UBE2J1: variants seen among roughly 807,000 people sequenced by gnomAD.
UBE2J1 encodes ubiquitin conjugating enzyme E2 J1.
Under a neutral mutation model 42.1 loss-of-function variants are expected in UBE2J1, and 17 were observed. That is an observed-to-expected ratio of 0.40 (90% confidence interval 0.28 to 0.61). The LOEUF is 0.61. Among genes scored for constraint, UBE2J1 ranks in the 20% least tolerant of loss-of-function variants. The pLI is 0.38. For missense variants in UBE2J1, 291 were observed against 389.4 expected, an observed-to-expected ratio of 0.75 and a Z score of 2.13; for synonymous variants, 127 against 137.2, an observed-to-expected ratio of 0.93 and a Z score of 0.52.
Position 89,338,233 on chromosome 6 carries a change from G to C in UBE2J1, c.400C>G (p.Pro134Ala). 1 of 1,613,424 alleles carries C rather than the reference G, an allele frequency of 6.2e-7. No homozygotes were observed. Among genetic ancestry groups the C allele is most frequent in the South Asian group, 1.1e-5 (1 of 91,002 alleles). ...TTGGCAAGTGCTCTTCTTTCCTCAG[G>C]AGTGTAATCTAGAGAACCTATGGCT... ...EGAIGSLDYTPEERRALAKKS... is the reference protein window; with the variant it reads ...EGAIGSLDYTAEERRALAKKS... The change falls in exon 5 of 8, where the codon CCT becomes GCT. Residue 134 changes from proline (P) to alanine (A), a missense_variant. Around this residue, in one of 2 missense-constraint regions of UBE2J1, gnomAD observed 115 missense variants for 193.1 expected, o/e 0.60. Transcript: ENST00000435041.
At chr6:89,344,500 C>T (rs1037398885) in intron 1 of UBE2J1, among the ~76,000 whole-genome samples, 4 of 152,118 alleles carry the variant, frequency 2.6e-5, no homozygotes, top group African/African-American at 9.7e-5. Context: ...CTTAGGAGTC[C>T]CTCTTGTACA....
rs1767941639 is a variant in UBE2J1 at position 89,328,202 on chromosome 6, C to T, written c.*1477G>A. ...AGATGAAAACAGAAATTGTGTCTGA[C>T]AGTTAATAGAACGAATGTCCCATAA... On this transcript the variant is annotated 3_prime_UTR_variant, in exon 8 of 8. Coordinates refer to ENST00000435041, the MANE Select transcript of UBE2J1 (RefSeq NM_016021.3). 1 of 152,158 alleles carries T rather than the reference C, an allele frequency of 6.6e-6. No homozygotes were observed. Among genetic ancestry groups the T allele is most frequent in the Non-Finnish European group, 1.5e-5 (1 of 68,028 alleles). The allele number at this position is 152,158 out of a possible 1,614,324, so 9.4% of individuals were successfully genotyped here.
At chr6:89,352,076 G>A (rs1462040497) in intron 1 of UBE2J1, among the ~76,000 whole-genome samples, 1 of 152,116 alleles carries the variant, frequency 6.6e-6, no homozygotes, top group Non-Finnish European at 1.5e-5. Context: ...AATTGTATTC[G>A]CCCAAGTGCT....
intron 3 of UBE2J1, among the ~76,000 whole-genome samples, chr6:89,340,774 G>GA (rs1554201176): frequency 7.9e-6 from 1 of 126,460 alleles, no homozygotes; most frequent in Non-Finnish European, 1.7e-5. Context: ...ATTTATTTAT[G>GA]TTTTTTTTTT....
intron 3 of UBE2J1, among the ~76,000 whole-genome samples, chr6:89,341,067 G>A (rs1768239057): frequency 6.6e-6 from 1 of 152,166 alleles, no homozygotes; most frequent in African/African-American, 2.4e-5. Context: ...GAGCCACCGC[G>A]CCCGGCCTAA....
At chr6:89,333,530 G>A (rs1232981540) in intron 6 of UBE2J1, among the ~76,000 whole-genome samples, 2 of 152,200 alleles carry the variant, frequency 1.3e-5, no homozygotes, top group Non-Finnish European at 2.9e-5. Flanking sequence ...GATATGAGCT[G>A]ATGTGAACCT....
chr6:89,338,705 A>G (rs377671491), intron 3 of UBE2J1, among the ~76,000 whole-genome samples, 162 bp from the exon 4 acceptor site: 1,777 of 116,956 alleles, frequency 0.015, 30 homozygotes, highest in African/African-American at 0.053. Flanking sequence ...TCGCTCTGTC[A>G]CCCAGGCTGG....
rs771117213 is a variant in UBE2J1, at chr6:89,345,603, AAAAC to A, written c.32-1851_32-1848del. 3.5e-3 allele frequency among the ~76,000 whole-genome samples: 522 copies of A among 147,392 alleles called. 3 individuals carry two copies. Among genetic ancestry groups the A allele is most frequent in the African/African-American group, 0.011 (446 of 39,594 alleles). On this transcript the variant is annotated intron_variant, in intron 1 of 7. Transcript: ENST00000435041. ...GGCTTCAGAGAGAGACTATCTCAATAAAACAAACAAACAAACAAACAAAACCAGG... is the reference window on the plus strand; with the variant it reads ...GGCTTCAGAGAGAGACTATCTCAATAAAACAAACAAACAAACAAAACCAGG...
intron 5 of UBE2J1, 70 bp downstream of exon 5, chr6:89,338,135 G>T (rs1346453131): frequency 9.7e-7 from 1 of 1,035,154 alleles, no homozygotes. Flanking sequence ...TAAGAGGTAG[G>T]CCCTACCTCC....
chr6:89,346,899 T>C (rs1359771049), intron 1 of UBE2J1, among the ~76,000 whole-genome samples: 2 of 152,198 alleles, frequency 1.3e-5, no homozygotes, highest in Non-Finnish European at 2.9e-5. Flanking sequence ...GTAATGACAG[T>C]GTAGCTGTAG....
chr6:89,338,173 A>G, intron 5 of UBE2J1, 32 bp downstream of exon 5: 1 of 1,518,332 alleles, frequency 6.6e-7, no homozygotes, highest in Non-Finnish European at 9.1e-7. Flanking sequence ...AATACTATTC[A>G]GACCTCAAGA....
At position 89,327,326 on chromosome 6, in the gene UBE2J1, C is replaced by T. The variant is rs1767928979; in HGVS notation, c.*2353G>A. 6.6e-6 allele frequency: 1 copy of T among 152,192 alleles called. No individual in the cohort carries two copies. The highest frequency in any genetic ancestry group is 1.5e-5 in the Non-Finnish European group (1 of 67,984). The allele number at this position is 152,192 out of a possible 1,614,324, so 9.4% of individuals were successfully genotyped here. A position where few individuals can be genotyped will look rare whatever the true frequency, so the allele number is the denominator to read the frequency against. On this transcript the variant is annotated 3_prime_UTR_variant, in exon 8 of 8. Transcript: ENST00000435041. ...CTCAGCCTTTACTTGCCAGAATATA[C>T]ATCCAGTTTTAGCTGTATGCTGGAA...
chr6:89,349,795 G>T, intron 1 of UBE2J1, among the ~76,000 whole-genome samples: 1 of 152,148 alleles, frequency 6.6e-6, no homozygotes, highest in East Asian at 1.9e-4. Flanking sequence ...ACTTCTGGTG[G>T]AGGCAGTGGG....
At chr6:89,333,058 C>T in intron 7 of UBE2J1, 28 bp downstream of exon 7, 2 of 1,568,380 alleles carry the variant, frequency 1.3e-6, no homozygotes, top group Non-Finnish European at 1.7e-6. Context: ...TAGAGACATA[C>T]ATATATATTA....
intron 1 of UBE2J1, among the ~76,000 whole-genome samples, chr6:89,345,145 CAGT>C (rs1768334475): frequency 6.6e-6 from 1 of 152,072 alleles, no homozygotes; most frequent in East Asian, 1.9e-4. Context: ...AAAGAAATAA[CAGT>C]AGAAACTCCC....
At chr6:89,351,069 CTTTTTTTTTT>C (rs1193022037) in intron 1 of UBE2J1, among the ~76,000 whole-genome samples, 5 of 60,462 alleles carry the variant, frequency 8.3e-5, no homozygotes, top group Non-Finnish European at 1.2e-4. Context: ...CCGGGATTCT[CTTTTTTTTTT>C]TTTTTTTTTT....
intron 3 of UBE2J1, among the ~76,000 whole-genome samples, chr6:89,339,228 C>T (rs1216021714): frequency 4.7e-5 from 7 of 150,262 alleles, no homozygotes; most frequent in Admixed American, 4.7e-4. Flanking sequence ...AGTTCAAGGC[C>T]AGCTTGAGCA....
At chr6:89,330,028 A>G in intron 7 of UBE2J1, 71 bp from the exon 8 acceptor site, 1 of 1,445,762 alleles carries the variant, frequency 6.9e-7, no homozygotes, top group Non-Finnish European at 9.6e-7. Context: ...TATCTATTCA[A>G]GAATACACAA....
chr6:89,333,088 A>T lies in UBE2J1; in HGVS notation c.676T>A (p.Ser226Thr). The change falls in exon 7 of 8, where the codon TCG (serine) becomes ACG (threonine). Residue 226 changes from serine to threonine, a missense_variant and splice_region_variant. Transcript: ENST00000435041. Reference protein sequence around the residue: ...TTFQGATASTSYGLQNSSAAS... With the variant: ...TTFQGATASTTYGLQNSSAAS... ...ATATTAAAAGATAAGAGCCATACCG[A>T]TGTACTGGCCGTAGCACCCTGGAAT... 1.9e-6 allele frequency: 3 copies of T among 1,607,760 alleles called. No individual in the cohort carries two copies. In the East Asian group the frequency reaches 6.7e-5, roughly 36 times the overall value.
Sources: allele counts gnomAD v4.1 joint callset (sites outside exome capture counted in the v4.1 genomes callset), GRCh38; gene constraint gnomAD v4.1.1; regional missense constraint gnomAD v4.1.1; transcripts MANE v1.5; gene names NCBI Gene and HGNC (gene_info 2026-07-23, HGNC 2026-07-21).